NAV1: variants seen among roughly 807,000 people sequenced by gnomAD.
NAV1 encodes pore membrane and/or filament interacting like protein 3.
In NAV1, 18 loss-of-function variants were observed where a neutral mutation model predicts 175.2. That is an observed-to-expected ratio of 0.10 (90% CI 0.07 to 0.15). The LOEUF (loss-of-function observed/expected upper bound fraction) is 0.15, where lower values mean the gene tolerates loss of function less well. Ranked by LOEUF, NAV1 falls within the 10% of genes least tolerant of loss-of-function variation. The pLI is 1.00. For missense variants in NAV1, 1,731 were observed against 2,436.6 expected, an observed-to-expected ratio of 0.71 and a Z score of 6.10; for synonymous variants, 897 against 978.7, an observed-to-expected ratio of 0.92 and a Z score of 1.56.
intron 28 of NAV1, among the ~76,000 whole-genome samples, chr1:201,816,282 A>C (rs964915817): frequency 6.6e-6 from 1 of 152,092 alleles, no homozygotes; most frequent in Non-Finnish European, 1.5e-5. Flanking sequence ...GAAGTAGGAG[A>C]ATAACTTGAA....
intron 1 of NAV1, among the ~76,000 whole-genome samples, chr1:201,676,481 C>G (rs997474): frequency 0.81 from 122,554 of 152,058 alleles, 49,961 homozygotes; most frequent in Admixed American, 0.88. Context: ...CTGGGACCTT[C>G]AGTGGAGGGG....
intron 2 of NAV1, among the ~76,000 whole-genome samples, chr1:201,635,703 C>A (rs1362291293): frequency 6.6e-6 from 1 of 152,116 alleles, no homozygotes; most frequent in African/African-American, 2.4e-5. Flanking sequence ...AGAATTACCC[C>A]CTATACCCAA....
chr1:201,811,980 A>G lies in NAV1; in HGVS notation c.5024+6A>G. 1 of 1,613,808 alleles carries G rather than the reference A, an allele frequency of 6.2e-7. No homozygotes were observed. Among genetic ancestry groups the G allele is most frequent in the Non-Finnish European group, 8.5e-7 (1 of 1,179,798 alleles). ...GGCTTGCACTTGAGCTTCAGGTAAG[A>G]CCTCTAGCTCTGGATGAACCTTCTG... On this transcript the variant is annotated splice_donor_region_variant and intron_variant, in intron 26 of 29. Coordinates refer to ENST00000367296, the Ensembl canonical transcript of NAV1.
At chr1:201,578,141 A>G (rs989204785) in intron 1 of NAV1, among the ~76,000 whole-genome samples, 1 of 152,112 alleles carries the variant, frequency 6.6e-6, no homozygotes. Context: ...ATCTTTTGTT[A>G]TAGTCCCACA....
chr1:201,659,630 T>G lies in NAV1; in HGVS notation c.757+10205T>G, dbSNP rs1669532289. On this transcript the variant is annotated intron_variant, in intron 1 of 29. Transcript: ENST00000367296. ...GCAAGACCCTGTCCCTAAAAATAAA[T>G]GAATAATAAATAAAATAAATAAAGG... Among the ~76,000 whole-genome samples, 3 of 151,922 alleles carry G rather than the reference T, an allele frequency of 2.0e-5. No individual in the cohort carries two copies. The South Asian group carries it at 6.2e-4, about 32-fold the overall frequency.
intron 3 of NAV1, among the ~76,000 whole-genome samples, chr1:201,777,974 T>C (rs1172000115): frequency 6.6e-6 from 1 of 151,980 alleles, no homozygotes; most frequent in Non-Finnish European, 1.5e-5. Context: ...AGAAAGAAAC[T>C]ATGCTCTCTT....
At chr1:201,573,311 A>ATG (rs10670603) in intron 1 of NAV1, among the ~76,000 whole-genome samples, 28,404 of 152,052 alleles carry the variant, frequency 0.19, 2,961 homozygotes, top group African/African-American at 0.29. Context: ...ATCTCCTGAT[A>ATG]TGTGTGTGTG....
At chr1:201,562,956 C>T (rs73082565) in intron 1 of NAV1, among the ~76,000 whole-genome samples, 9,660 of 152,210 alleles carry the variant, frequency 0.063, 426 homozygotes, top group African/African-American at 0.13. Context: ...TGATAACAGC[C>T]TAGGACGGTG....
rs887755759 is a variant in NAV1 at position 201,780,715 on chromosome 1, C to G, written c.1365+156C>G. ...CATTTTAGAGTTGCCCCCACCCCCT[C>G]CCAAAAAAAGCTAAGGCTACTCACC... On this transcript the variant is annotated intron_variant, in intron 4 of 29. Coordinates refer to ENST00000367296, the Ensembl canonical transcript of NAV1. Among the ~76,000 whole-genome samples the G allele has an allele frequency of 4.6e-5, 7 of 151,558 alleles. No homozygotes were observed. In the East Asian group the frequency reaches 1.2e-3, roughly 25 times the overall value.
intron 15 of NAV1, among the ~76,000 whole-genome samples, chr1:201,803,192 C>T (rs1036796714): frequency 6.6e-6 from 1 of 152,106 alleles, no homozygotes; most frequent in Non-Finnish European, 1.5e-5. Context: ...ATGTATTTGG[C>T]TAGTATATGG....
intron 1 of NAV1, among the ~76,000 whole-genome samples, chr1:201,553,426 G>T (rs185261864): frequency 3.3e-3 from 505 of 152,366 alleles, no homozygotes; most frequent in Non-Finnish European, 5.5e-3. Context: ...AGAAGCAGGA[G>T]AAAATGTGAG....
At chr1:201,731,377 G>T (rs1672853917) in intron 3 of NAV1, among the ~76,000 whole-genome samples, 1 of 152,104 alleles carries the variant, frequency 6.6e-6, no homozygotes, top group Non-Finnish European at 1.5e-5. Context: ...GACAGGCACA[G>T]AGAGTGTCTG....
chr1:201,799,089 AAAG>A (rs1677664384), intron 15 of NAV1, among the ~76,000 whole-genome samples: 2 of 152,168 alleles, frequency 1.3e-5, no homozygotes, highest in South Asian at 4.1e-4. Context: ...AAAAAGAAAA[AAAG>A]AAAAAAGAAA....
At position 201,744,311 on chromosome 1, in the gene NAV1, TG is replaced by T. The variant is rs1204735758; in HGVS notation, c.1226+25557del. ...TAAGGAGCTGACGGCTATGTATGTA[TG>T]TATGTATTTATTTATTTATTTATTT... On this transcript the variant is annotated intron_variant, in intron 3 of 29. Coordinates refer to ENST00000367296, the Ensembl canonical transcript of NAV1. Among the ~76,000 whole-genome samples the T allele has an allele frequency of 3.6e-3, 503 of 140,208 alleles. 1 individual carries two copies. Among genetic ancestry groups the T allele is most frequent in the African/African-American group, 0.011 (426 of 39,200 alleles). The allele number at this position is 140,208 out of a possible 152,430, so 92.0% of individuals were successfully genotyped here.
At chr1:201,628,656 G>A (rs1210767195) in intron 1 of NAV1, among the ~76,000 whole-genome samples, 1 of 152,136 alleles carries the variant, frequency 6.6e-6, no homozygotes, top group African/African-American at 2.4e-5. Flanking sequence ...TTTAGCTGGA[G>A]ACAGCGGGCG....
chr1:201,694,604 T>C lies in NAV1; in HGVS notation c.758-18213T>C, dbSNP rs1019549773. ...TGGCCCCAGTGGGTGATCAGCAACA[T>C]GTCCCTAAGAATAGGTACATGCTAT... On this transcript the variant is annotated intron_variant, in intron 1 of 29. Transcript: ENST00000367296. This position sits in a 1 kb window ranked among gnomAD's most constrained non-coding sequence, Gnocchi z 4.2. 1.3e-5 allele frequency among the ~76,000 whole-genome samples: 2 copies of C among 152,148 alleles called. No homozygotes were observed. The highest frequency in any genetic ancestry group is 4.8e-5 in the African/African-American group (2 of 41,434).
At chr1:201,541,628 G>A (rs183151256) in intron 1 of NAV1, among the ~76,000 whole-genome samples, 3 of 152,332 alleles carry the variant, frequency 2.0e-5, no homozygotes, top group African/African-American at 7.2e-5. Flanking sequence ...ATGAAAATTA[G>A]CCGGGTGTGG....
intron 1 of NAV1, among the ~76,000 whole-genome samples, chr1:201,548,290 T>A (rs1409072181): frequency 6.6e-6 from 1 of 152,186 alleles, no homozygotes; most frequent in Non-Finnish European, 1.5e-5. Flanking sequence ...TCAATAAAGG[T>A]GTAACTGCCA....
chr1:201,790,350 GA>G (rs1380479854), intron 11 of NAV1, among the ~76,000 whole-genome samples: 1 of 152,158 alleles, frequency 6.6e-6, no homozygotes, highest in African/African-American at 2.4e-5. Flanking sequence ...GAGCTCCAAA[GA>G]AATCTTTTAT....
Sources: allele counts gnomAD v4.1 joint callset (sites outside exome capture counted in the v4.1 genomes callset), GRCh38; gene constraint gnomAD v4.1.1; non-coding constraint Gnocchi (gnomAD v3.1); transcripts MANE v1.5; gene names NCBI Gene and HGNC (gene_info 2026-07-23, HGNC 2026-07-21).